The following AKAP6 variants were observed in gnomAD, a reference collection of about 807,000 sequenced individuals.
AKAP6 encodes A-kinase anchoring protein 6, also known as A-kinase anchor protein 6.
AKAP6 carries 58 observed loss-of-function variants against 188.5 expected under a neutral mutation model. The ratio of observed to expected loss-of-function variants is 0.31; its 90% CI spans 0.25 to 0.38. The LOEUF (loss-of-function observed/expected upper bound fraction) is 0.38, where lower values mean the gene tolerates loss of function less well. AKAP6 is among the 10% of genes least tolerant of loss of function. The pLI, the probability that AKAP6 is intolerant of heterozygous loss-of-function variation, is 1.00. For synonymous variants in AKAP6, 989 were observed against 998.6 expected, an observed-to-expected ratio of 0.99 and a Z score of 0.18; for missense variants, 2,710 against 2,740.0, an observed-to-expected ratio of 0.99 and a Z score of 0.24.
At chr14:32,584,754 TC>T (rs1232837182) in intron 5 of AKAP6, among the ~76,000 whole-genome samples, 6 of 152,230 alleles carry the variant, frequency 3.9e-5, no homozygotes, top group Non-Finnish European at 7.3e-5. Flanking sequence ...TGTATTTTTT[TC>T]GGTCTGTCTT....
chr14:32,404,689 G>GATATATATATATATATATAT (rs1566485487), intron 1 of AKAP6, among the ~76,000 whole-genome samples: 5 of 4,946 alleles, frequency 1.0e-3, no homozygotes, highest in African/African-American at 1.6e-3. Context: ...GAGGAGTCAG[G>GATATATATATATATATATAT]AGATATATAT....
At chr14:32,529,364 CT>C (rs969752172) in intron 2 of AKAP6, among the ~76,000 whole-genome samples, 11 of 151,634 alleles carry the variant, frequency 7.3e-5, no homozygotes, top group African/African-American at 1.9e-4. Flanking sequence ...CAGGAGTCTA[CT>C]TTTTTTTTCC....
chr14:32,583,168 G>A (rs111860234), intron 5 of AKAP6, among the ~76,000 whole-genome samples: 1 of 151,904 alleles, frequency 6.6e-6, no homozygotes, highest in African/African-American at 2.4e-5. Flanking sequence ...TGGGTTTTTG[G>A]TGTAGGTGTC....
Position 32,518,170 on chromosome 14 carries a change from C to T in AKAP6, c.325-17384C>T, listed in dbSNP as rs567287119. Among the ~76,000 whole-genome samples the T allele has an allele frequency of 1.5e-3, 235 of 152,274 alleles. 1 individual carries two copies. Among genetic ancestry groups the T allele is most frequent in the African/African-American group, 5.5e-3 (227 of 41,562 alleles). Reference sequence around the variant, plus strand: ...GAAAACTAACAAACAGAAAGGACATCTACACCAAAACCCCATCTGTCCATC... The same window carrying T: ...GAAAACTAACAAACAGAAAGGACATTTACACCAAAACCCCATCTGTCCATC... On this transcript the variant is annotated intron_variant, in intron 2 of 13. Coordinates refer to ENST00000280979, the MANE Select transcript of AKAP6 (RefSeq NM_004274.5).
intron 2 of AKAP6, 47 bp downstream of exon 2, chr14:32,433,864 C>A: frequency 6.5e-7 from 1 of 1,541,094 alleles, no homozygotes; most frequent in Non-Finnish European, 8.8e-7. Context: ...TTTCAAAAGG[C>A]TGTGGCACCT....
In AKAP6 at chr14:32,822,995, G is replaced by C; in HGVS notation, c.5182G>C (p.Asp1728His). 6.2e-7 allele frequency: 1 copy of C among 1,613,918 alleles called. No homozygotes were observed. The part of the protein sequence containing the change: ...FRKRLTRSVA[D>H]ESDVNVSMIV... ...GAAGCGTCTGACTCGTTCAGTGGCT[G>C]ATGAAAGCGATGTCAATGTCAGCAT... Residue 1728 changes from aspartate to histidine, a missense_variant, in exon 13 of 14, where the codon GAT becomes CAT. Around this residue, in one of 2 missense-constraint regions of AKAP6, gnomAD observed 2,473 missense variants for 2,426.1 expected, o/e 1.02. Coordinates refer to ENST00000280979, the MANE Select transcript of AKAP6 (RefSeq NM_004274.5).
At chr14:32,787,816 T>C (rs2033469769) in intron 12 of AKAP6, among the ~76,000 whole-genome samples, 1 of 152,132 alleles carries the variant, frequency 6.6e-6, no homozygotes, top group African/African-American at 2.4e-5. Context: ...ATTTTTCTTT[T>C]ATAAATCCCT....
At chr14:32,392,630 T>C (rs964226084) in intron 1 of AKAP6, among the ~76,000 whole-genome samples, 1 of 152,136 alleles carries the variant, frequency 6.6e-6, no homozygotes, top group Non-Finnish European at 1.5e-5. Context: ...ATTCCAGGAC[T>C]GAGGCTGAGA....
At chr14:32,759,463 C>T (rs567335911) in intron 11 of AKAP6, among the ~76,000 whole-genome samples, 36 of 152,232 alleles carry the variant, frequency 2.4e-4, no homozygotes, top group African/African-American at 6.7e-4. Flanking sequence ...CCATTTACTC[C>T]TTATCCAAGC....
At chr14:32,551,640 ATTTT>A (rs981706333) in intron 4 of AKAP6, among the ~76,000 whole-genome samples, 22 of 135,714 alleles carry the variant, frequency 1.6e-4, no homozygotes, top group African/African-American at 4.8e-4. Flanking sequence ...ACATTCTGTA[ATTTT>A]TGTTTGTTTG....
intron 2 of AKAP6, among the ~76,000 whole-genome samples, chr14:32,514,938 C>A (rs538635923): frequency 6.6e-6 from 1 of 152,118 alleles, no homozygotes; most frequent in Non-Finnish European, 1.5e-5. Context: ...AACCATAGAC[C>A]TTTCCTCCTC....
intron 4 of AKAP6, among the ~76,000 whole-genome samples, chr14:32,571,961 C>T (rs1394720395): frequency 6.6e-6 from 1 of 152,100 alleles, no homozygotes; most frequent in East Asian, 1.9e-4. Context: ...TCTTGTTAAG[C>T]ATTTAGTCTC....
chr14:32,696,869 C>T (rs1419980807), intron 9 of AKAP6, among the ~76,000 whole-genome samples: 1 of 151,638 alleles, frequency 6.6e-6, no homozygotes, highest in African/African-American at 2.4e-5. Flanking sequence ...GGACTTTCCA[C>T]TGAAATATCA....
intron 7 of AKAP6, among the ~76,000 whole-genome samples, chr14:32,647,447 T>C (rs939251193): frequency 2.3e-4 from 35 of 152,094 alleles, no homozygotes; most frequent in African/African-American, 7.7e-4. Context: ...TGAGAATCCC[T>C]CTCACTTTCA....
At position 32,699,276 on chromosome 14, in the gene AKAP6, A is replaced by G. The variant is rs184230994; in HGVS notation, c.3000+3166A>G. 3.9e-5 allele frequency among the ~76,000 whole-genome samples: 6 copies of G among 152,256 alleles called. No individual in the cohort carries two copies. In the East Asian group the frequency reaches 1.2e-3, roughly 29 times the overall value. On this transcript the variant is annotated intron_variant, in intron 9 of 13. Transcript: ENST00000280979. The stretch of plus-strand genomic sequence containing the variant: ...GAAATACAGAAACCCTAGACTATCC[A>G]CTCAGCAGATATCCTGAGTACAGCA...
At chr14:32,686,736 A>G (rs1454819057) in intron 8 of AKAP6, among the ~76,000 whole-genome samples, 1 of 152,176 alleles carries the variant, frequency 6.6e-6, no homozygotes, top group East Asian at 1.9e-4. Context: ...ATGCTGTTGA[A>G]GCAGAAGATC....
intron 2 of AKAP6, among the ~76,000 whole-genome samples, chr14:32,515,936 A>G (rs1881498354): frequency 6.6e-6 from 1 of 152,224 alleles, no homozygotes; most frequent in Non-Finnish European, 1.5e-5. Context: ...ACCACTGAAC[A>G]AACAAAGCAA....
At chr14:32,380,582 A>G (rs1888321995) in intron 1 of AKAP6, among the ~76,000 whole-genome samples, 1 of 152,196 alleles carries the variant, frequency 6.6e-6, no homozygotes, top group East Asian at 1.9e-4. Flanking sequence ...TTAGTAAAAT[A>G]TTTTAAAACA....
At chr14:32,491,397 A>T (rs1384110979) in intron 2 of AKAP6, among the ~76,000 whole-genome samples, 1 of 152,204 alleles carries the variant, frequency 6.6e-6, no homozygotes, top group Non-Finnish European at 1.5e-5. Context: ...CTCTATCAAA[A>T]CAAGGAAAGA....
Sources: allele counts gnomAD v4.1 joint callset (sites outside exome capture counted in the v4.1 genomes callset), GRCh38; gene constraint gnomAD v4.1.1; regional missense constraint gnomAD v4.1.1; transcripts MANE v1.5; gene names NCBI Gene and HGNC (gene_info 2026-07-23, HGNC 2026-07-21).